KCNIP1: variants seen among roughly 807,000 people sequenced by gnomAD.
KCNIP1 encodes the protein potassium voltage-gated channel interacting protein 1, also known as A-type potassium channel modulatory protein KCNIP1.
A neutral mutation model predicts 33.0 loss-of-function variants in KCNIP1; 18 were observed. The observed-to-expected ratio is 0.55, with a 90% CI of 0.38 to 0.81. The LOEUF (loss-of-function observed/expected upper bound fraction) is 0.81, where lower values mean the gene tolerates loss of function less well. Among genes scored for constraint, KCNIP1 ranks in the 30% least tolerant of loss-of-function variants. The pLI is 0.00. For synonymous variants in KCNIP1, 93 were observed against 98.3 expected, an observed-to-expected ratio of 0.95 and a Z score of 0.32; for missense variants, 238 against 271.6, an observed-to-expected ratio of 0.88 and a Z score of 0.87.
chr5:170,598,904 C>CGTGT (rs70979192), intron 1 of KCNIP1, among the ~76,000 whole-genome samples: 18,545 of 133,712 alleles, frequency 0.14, 1,279 homozygotes, highest in South Asian at 0.22. Flanking sequence ...TGTGTGTGCG[C>CGTGT]GTGTGTGTGT....
intron 1 of KCNIP1, among the ~76,000 whole-genome samples, chr5:170,686,764 A>G (rs1462555430): frequency 6.6e-6 from 1 of 152,226 alleles, no homozygotes; most frequent in Non-Finnish European, 1.5e-5. Context: ...TGTCTCACAC[A>G]GCCATGTGCT....
chr5:170,370,217 T>A (rs1397581231), intron 1 of KCNIP1, among the ~76,000 whole-genome samples: 1 of 152,158 alleles, frequency 6.6e-6, no homozygotes, highest in Non-Finnish European at 1.5e-5. Flanking sequence ...GAAAAGAATC[T>A]GAATTATCGG....
At chr5:170,360,139 C>T (rs1034686192) in intron 1 of KCNIP1, among the ~76,000 whole-genome samples, 4 of 152,194 alleles carry the variant, frequency 2.6e-5, no homozygotes, top group Non-Finnish European at 4.4e-5. Context: ...CTTTGCCATG[C>T]CACAGGGACC....
At chr5:170,356,676 G>A (rs1216730151) in intron 1 of KCNIP1, among the ~76,000 whole-genome samples, 1 of 152,188 alleles carries the variant, frequency 6.6e-6, no homozygotes, top group Non-Finnish European at 1.5e-5. Context: ...ATCATGGCAA[G>A]ACCATGTGCA....
intron 1 of KCNIP1, among the ~76,000 whole-genome samples, chr5:170,691,514 G>T (rs1762718423): frequency 6.6e-6 from 1 of 152,174 alleles, no homozygotes; most frequent in Non-Finnish European, 1.5e-5. Context: ...ATAAAGTGGG[G>T]TAATATAACC....
At chr5:170,412,098 C>G (rs1043621400) in intron 1 of KCNIP1, among the ~76,000 whole-genome samples, 1 of 152,314 alleles carries the variant, frequency 6.6e-6, no homozygotes, top group Middle Eastern at 3.4e-3. Context: ...AAAGAAAGGA[C>G]AAACGGTTGA....
chr5:170,730,928 C>G (rs1485870313), intron 5 of KCNIP1, among the ~76,000 whole-genome samples: 4 of 151,674 alleles, frequency 2.6e-5, no homozygotes, highest in African/African-American at 7.3e-5. Context: ...TTATTAAGTA[C>G]TGGATTATAA....
intron 1 of KCNIP1, among the ~76,000 whole-genome samples, chr5:170,405,185 A>T (rs1755002710): frequency 6.8e-6 from 1 of 147,184 alleles, no homozygotes; most frequent in Non-Finnish European, 1.5e-5. Flanking sequence ...CCACAGAGAG[A>T]AAAGGGATTT....
At position 170,379,216 on chromosome 5, in the gene KCNIP1, GGTCC is replaced by G. The variant is rs1254281587; in HGVS notation, c.88+25253_88+25256del. On this transcript the variant is annotated intron_variant, in intron 1 of 7. Transcript: ENST00000377360. ...GGTACAGGCTACACACCTGGGCGCA[GGTCC>G]TACCTTGGAGTCCTGGCTCTGCTTG... Among the ~76,000 whole-genome samples, 9 of 152,272 alleles carry G rather than the reference GGTCC, an allele frequency of 5.9e-5. No homozygotes were observed. The East Asian group carries it at 1.7e-3, about 29-fold the overall frequency.
At chr5:170,608,853 C>T (rs957186828) in intron 1 of KCNIP1, among the ~76,000 whole-genome samples, 1 of 152,146 alleles carries the variant, frequency 6.6e-6, no homozygotes, top group Admixed American at 6.5e-5. Flanking sequence ...TTACTCCCCC[C>T]TTACTCTGTA....
At chr5:170,500,771 A>G (rs1294482561), upstream of KCNIP1, among the ~76,000 whole-genome samples, 1 of 152,244 alleles carries the variant, frequency 6.6e-6, no homozygotes, top group African/African-American at 2.4e-5. Context: ...AATAATACCC[A>G]TGTCACAAGG....
chr5:170,383,924 T>C (rs1418367644), intron 1 of KCNIP1: 1 of 1,505,830 alleles, frequency 6.6e-7, no homozygotes, highest in African/African-American at 1.4e-5. Context: ...TTTGAACCCA[T>C]TATCCCCTGG....
At chr5:170,619,313 T>C (rs1233804831) in intron 1 of KCNIP1, among the ~76,000 whole-genome samples, 3 of 152,132 alleles carry the variant, frequency 2.0e-5, no homozygotes, top group African/African-American at 7.2e-5. Context: ...GGTCATCAGG[T>C]ATCATGACCT....
At chr5:170,683,075 C>A (rs1762414638) in intron 1 of KCNIP1, among the ~76,000 whole-genome samples, 1 of 152,218 alleles carries the variant, frequency 6.6e-6, no homozygotes, top group African/African-American at 2.4e-5. Context: ...GGATATCAAT[C>A]ATTCATCTAA....
chr5:170,548,425 A>G (rs1284553576), intron 1 of KCNIP1, among the ~76,000 whole-genome samples: 1 of 152,214 alleles, frequency 6.6e-6, no homozygotes, highest in Admixed American at 6.5e-5. Context: ...TAATTATTAG[A>G]GGAATGAATT....
At chr5:170,560,034 C>T (rs1756979517) in intron 1 of KCNIP1, among the ~76,000 whole-genome samples, 1 of 152,174 alleles carries the variant, frequency 6.6e-6, no homozygotes, top group Non-Finnish European at 1.5e-5. Flanking sequence ...CTAGGGGATT[C>T]ATAGATGATG....
chr5:170,691,175 A>T (rs1277037621), intron 1 of KCNIP1, among the ~76,000 whole-genome samples: 1 of 152,220 alleles, frequency 6.6e-6, no homozygotes. Flanking sequence ...TGGGTTATGC[A>T]CTGGCCCCAA....
intron 1 of KCNIP1, among the ~76,000 whole-genome samples, chr5:170,396,068 G>T (rs1016414374): frequency 1.3e-5 from 2 of 152,194 alleles, no homozygotes; most frequent in African/African-American, 4.8e-5. Flanking sequence ...ATACACATCA[G>T]GGCTTTTGTC....
At chr5:170,395,400 A>G (rs1754733018) in intron 1 of KCNIP1, among the ~76,000 whole-genome samples, 1 of 152,226 alleles carries the variant, frequency 6.6e-6, no homozygotes, top group Admixed American at 6.5e-5. Flanking sequence ...ACAGTTTTCT[A>G]GGTTATGGCT....
Sources: gnomAD v4.1 joint callset for allele counts (sites outside exome capture counted in the v4.1 genomes callset) on GRCh38, gnomAD v4.1.1 for gene constraint, MANE v1.5 for transcripts, NCBI Gene and HGNC (gene_info 2026-07-23, HGNC 2026-07-21) for gene names.